TERT: variants seen among roughly 807,000 people sequenced by gnomAD.
TERT encodes telomerase catalytic subunit.
In TERT, 42 loss-of-function variants were observed where a neutral mutation model predicts 104.0. The observed-to-expected ratio is 0.40, with a 90% confidence interval of 0.32 to 0.52. The LOEUF (loss-of-function observed/expected upper bound fraction) is 0.52. TERT is among the 20% of genes least tolerant of loss of function. TERT has a pLI of 0.43. For missense variants in TERT, 1,101 were observed against 1,610.3 expected (o/e 0.68, Z 5.41); for synonymous variants, 781 against 725.6 (o/e 1.08, Z -1.23).
At position 1,253,585 on chromosome 5, in the gene TERT, G is replaced by A. The variant is rs147703938; in HGVS notation, c.*143C>T. On this transcript the variant is annotated 3_prime_UTR_variant, in exon 16 of 16. Transcript: ENST00000310581. The stretch of plus-strand genomic sequence containing the variant: ...ACTCAGCCTTCAGCCGGACATGCAG[G>A]CCTCGGCCAAACACTCACTCAGGCC... 5 of 710,790 alleles carry A rather than the reference G, an allele frequency of 7.0e-6. No homozygotes were observed. Among genetic ancestry groups the A allele is most frequent in the Admixed American group, 6.4e-5 (3 of 47,060 alleles). 44.0% of individuals were successfully genotyped at this position (710,790 alleles called of 1,614,324 possible).
rs7726159 is a variant in TERT, at chr5:1,282,204, C to A, written c.1769+225G>T. On this transcript the variant is annotated intron_variant, in intron 3 of 15. Coordinates refer to ENST00000310581, the MANE Select transcript of TERT (RefSeq NM_198253.3). ...CCTTCTGCTTTACAAACCCTAGAGA[C>A]CACTTGGCACAAACTCCTGATTTTA... Among the ~76,000 whole-genome samples, 45,027 of 152,134 alleles carry A rather than the reference C, an allele frequency of 0.3. 6,964 individuals carry two copies. Among genetic ancestry groups the A allele is most frequent in the Middle Eastern group, 0.47 (139 of 294 alleles).
intron 12 of TERT, among the ~76,000 whole-genome samples, chr5:1,259,546 T>C: frequency 9.5e-6 from 1 of 105,066 alleles, no homozygotes; most frequent in Non-Finnish European, 1.8e-5. Flanking sequence ...CAGACGCAGA[T>C]GCCCACAGGA....
At chr5:1,259,059 G>A (rs1219809886) in intron 12 of TERT, among the ~76,000 whole-genome samples, 3 of 150,302 alleles carry the variant, frequency 2.0e-5, no homozygotes, top group Non-Finnish European at 4.4e-5. Context: ...ACAGGAGAGA[G>A]GGAATGGAGT....
In TERT at chr5:1,268,019, T is replaced by C. The variant is rs1305582347; in HGVS notation, c.2582+501A>G. Among the ~76,000 whole-genome samples, 2 of 151,826 alleles carry C rather than the reference T, an allele frequency of 1.3e-5. No individual in the cohort carries two copies. Among genetic ancestry groups the C allele is most frequent in the Non-Finnish European group, 2.9e-5 (2 of 67,982 alleles). On this transcript the variant is annotated intron_variant, in intron 9 of 15. Transcript: ENST00000310581. The surrounding 1 kb of genome is among the most constrained non-coding windows in gnomAD (Gnocchi z 5.5). ...GTAACTGCTGTCAATAAAAGCCAGC[T>C]GAGTTGAACCACATTAGGTTGGCAC...
In TERT at chr5:1,256,435, C is replaced by T. The variant is rs1356925089; in HGVS notation, c.3033-1024G>A. Among the ~76,000 whole-genome samples the T allele has an allele frequency of 6.6e-6, 1 of 151,514 alleles. No homozygotes were observed. Among genetic ancestry groups the T allele is most frequent in the Non-Finnish European group, 1.5e-5 (1 of 67,924 alleles). ...CATATGTGCGTGTGATCAGAGCCCC[C>T]GTGTACCTGGTCTGACCCTCTGCCT... On this transcript the variant is annotated intron_variant, in intron 13 of 15. Coordinates refer to ENST00000310581, the MANE Select transcript of TERT (RefSeq NM_198253.3). The surrounding 1 kb of genome is among the most constrained non-coding windows in gnomAD (Gnocchi z 7.0).
At chr5:1,281,355 C>T (rs1352573302) in intron 3 of TERT, among the ~76,000 whole-genome samples, 1 of 152,114 alleles carries the variant, frequency 6.6e-6, no homozygotes, top group African/African-American at 2.4e-5. Context: ...GCTGCCAGCT[C>T]CCTCTGCAGA....
At chr5:1,280,129 A>T in intron 4 of TERT, 29 bp downstream of exon 4, 1 of 1,613,634 alleles carries the variant, frequency 6.2e-7, no homozygotes, top group Non-Finnish European at 8.5e-7. Context: ...CTTCTGTTTA[A>T]AAAGGAAGTT....
Position 1,287,508 on chromosome 5 carries a change from AATATAT to A in TERT, c.1574-4890_1574-4885del, listed in dbSNP as rs762204084. 0.011 allele frequency among the ~76,000 whole-genome samples: 1,613 copies of A among 140,714 alleles called. 12 individuals are homozygous for A. Among genetic ancestry groups the A allele is most frequent in the Middle Eastern group, 0.018 (5 of 272 alleles). 92.3% of individuals were successfully genotyped at this position (140,714 alleles called of 152,430 possible). On this transcript the variant is annotated intron_variant, in intron 2 of 15. Transcript: ENST00000310581. The surrounding 1 kb of genome is among the most constrained non-coding windows in gnomAD (Gnocchi z 4.3). ...CCAAGACTCTGTCTCAAAAAAAAAA[AATATAT>A]ATATATATATATAAATTAAAGGCAG...
At position 1,280,171 on chromosome 5, in the gene TERT, C is replaced by A. The variant is rs779338296; in HGVS notation, c.1937G>T (p.Arg646Leu). The change falls in exon 4 of 16, where the codon CGC (arginine) becomes CTC (leucine). Residue 646 changes from arginine (R) to leucine (L), a missense_variant. By Grantham distance (102) the Arg-to-Leu change is moderately radical. Coordinates refer to ENST00000310581, the MANE Select transcript of TERT (RefSeq NM_198253.3). ...MDYVVGARTF[R>L]REKRAERLTS... is the part of the protein sequence containing the mutation. ...AAGCACAGCCACCCTCTTTTCTCTG[C>A]GGAACGTTCTGGCTCCCACGACGTA... 3 of 1,614,122 alleles carry A rather than the reference C, an allele frequency of 1.9e-6. No homozygotes were observed. Among genetic ancestry groups the A allele is most frequent in the African/African-American group, 1.3e-5 (1 of 75,068 alleles).
intron 3 of TERT, 46 bp downstream of exon 3, chr5:1,282,383 G>A: frequency 6.3e-7 from 1 of 1,596,558 alleles, no homozygotes; most frequent in Non-Finnish European, 8.6e-7. Flanking sequence ...CCGGGCTGGT[G>A]TTCCAGGACT....
Position 1,294,648 on chromosome 5 carries a change from G to A in TERT, c.238C>T (p.Leu80=), listed in dbSNP as rs2126690855. 1 of 1,595,764 alleles carries A rather than the reference G, an allele frequency of 6.3e-7. No homozygotes were observed. The part of the protein sequence containing the change: ...SFRQVSCLKE[L]VARVLQRLCE... ...AGCCTCTGCAGCACTCGGGCCACCA[G>A]CTCCTTCAGGCAGGACACCTGCGGG... Residue 80 remains leucine (L), a synonymous_variant, in exon 2 of 16, where the codon CTG becomes TTG. Coordinates refer to ENST00000310581, the MANE Select transcript of TERT (RefSeq NM_198253.3).
Position 1,253,292 on chromosome 5 carries a change from G to A in TERT, c.*436C>T. 2 of 372,640 alleles carry A rather than the reference G, an allele frequency of 5.4e-6. No homozygotes were observed. Among genetic ancestry groups the A allele is most frequent in the Non-Finnish European group, 1.0e-5 (2 of 199,752 alleles). 23.1% of individuals were successfully genotyped at this position (372,640 alleles called of 1,614,324 possible). A position where few individuals can be genotyped will look rare whatever the true frequency, so the allele number is the denominator to read the frequency against. ...CGCCTGTGTACAGGGCACACCTTTG[G>A]TCACTCCAAATTCCCAGAGCTCCCA... is the stretch of plus-strand genomic sequence containing the variant. On this transcript the variant is annotated 3_prime_UTR_variant, in exon 16 of 16. Coordinates refer to ENST00000310581, the MANE Select transcript of TERT (RefSeq NM_198253.3).
rs201562158 is a variant in TERT at position 1,255,846 on chromosome 5, G to A, written c.3033-435C>T. ...ATGTCATCGTATATCAACGTCCTGC[G>A]CATCCCTTCTGAGCCACCCGCCCCT... On this transcript the variant is annotated intron_variant, in intron 13 of 15. Transcript: ENST00000310581. This position sits in a 1 kb window ranked among gnomAD's most constrained non-coding sequence, Gnocchi z 6.9. Among the ~76,000 whole-genome samples, 3 of 152,008 alleles carry A rather than the reference G, an allele frequency of 2.0e-5. No individual in the cohort carries two copies. Among genetic ancestry groups the A allele is most frequent in the Non-Finnish European group, 2.9e-5 (2 of 67,970 alleles).
chr5:1,269,230 C>T lies in TERT; in HGVS notation c.2469-597G>A, dbSNP rs1748847800. Among the ~76,000 whole-genome samples the T allele has an allele frequency of 6.6e-6, 1 of 152,176 alleles. No individual in the cohort carries two copies. Among genetic ancestry groups the T allele is most frequent in the Admixed American group, 6.5e-5 (1 of 15,276 alleles). On this transcript the variant is annotated intron_variant, in intron 8 of 15. Transcript: ENST00000310581. This position sits in a 1 kb window ranked among gnomAD's most constrained non-coding sequence, Gnocchi z 9.0. The stretch of plus-strand genomic sequence containing the variant: ...GCCATCCCCAGAGCCCACAGGACGC[C>T]ACTCCTGTTGCTAAGAGACGCTTGC...
At chr5:1,277,974 G>C (rs1020292456) in intron 6 of TERT, among the ~76,000 whole-genome samples, 3 of 151,054 alleles carry the variant, frequency 2.0e-5, no homozygotes, top group Non-Finnish European at 4.4e-5. Flanking sequence ...CAAGGCCCCC[G>C]GCCGCTCTGG....
At chr5:1,273,790 A>G (rs56081816) in intron 6 of TERT, among the ~76,000 whole-genome samples, 377 of 23,712 alleles carry the variant, frequency 0.016, 96 homozygotes, top group African/African-American at 0.061. Flanking sequence ...CCCTGTGACC[A>G]ACCGCCATCC....
chr5:1,260,557 C>T lies in TERT; in HGVS notation c.2887G>A (p.Gly963Ser), dbSNP rs201272197. Reference sequence around the variant, plus strand: ...CGCATGTTCCTCCCAGCCTTGAAGCCGCGGTTGAAGGTGAGACTGGCTCTG... The same window carrying T: ...CGCATGTTCCTCCCAGCCTTGAAGCTGCGGTTGAAGGTGAGACTGGCTCTG... ...SIRASLTFNR[G>S]FKAGRNMRRK... Residue 963 changes from glycine (G) to serine (S), a missense_variant, in exon 12 of 16, where the codon GGC becomes AGC. Gly to Ser is a moderately conservative substitution (Grantham distance 56, BLOSUM62 0). Transcript: ENST00000310581. The T allele has an allele frequency of 4.3e-6, 7 of 1,614,186 alleles. No homozygotes were observed. The highest frequency in any genetic ancestry group is 1.3e-5 in the African/African-American group (1 of 75,058).
Position 1,268,527 on chromosome 5 carries a change from G to A in TERT, c.2575C>T (p.Arg859Trp), listed in dbSNP as rs876658018. 6.2e-7 allele frequency: 1 copy of A among 1,613,280 alleles called. No homozygotes were observed. The highest frequency in any genetic ancestry group is 8.5e-7 in the Non-Finnish European group (1 of 1,179,834). Residue 859 changes from arginine (R) to tryptophan (W), a missense_variant, in exon 9 of 16, where the codon CGG becomes TGG. This residue lies in a region of TERT where 463 missense variants were observed against 797.5 expected (regional missense o/e 0.58). Coordinates refer to ENST00000310581, the MANE Select transcript of TERT (RefSeq NM_198253.3). The surrounding 1 kb of genome is among the most constrained non-coding windows in gnomAD (Gnocchi z 5.5). ...GGGAAGAGGAGGCCTCACCCGTCCC[G>A]CCGAATCCCCGCAAACAGCTTGTTC... ...MENKLFAGIR[R>W]DGLLLRLVDD...
rs904818431 is a variant in TERT, at chr5:1,279,229, G to A, written c.2130+62C>T. 6.6e-6 allele frequency: 10 copies of A among 1,520,916 alleles called. No homozygotes were observed. The African/African-American group carries it at 8.3e-5, about 13-fold the overall frequency. The allele number at this position is 1,520,916 out of a possible 1,614,324, so 94.2% of individuals were successfully genotyped here. ...GTACCTCCTCCACCCAACATGAGGT[G>A]CCAATCAGGCAGCCACTCCCAAGGT... On this transcript the variant is annotated intron_variant, in intron 5 of 15. Transcript: ENST00000310581.
Sources: allele counts gnomAD v4.1 joint callset (sites outside exome capture counted in the v4.1 genomes callset), GRCh38; gene constraint gnomAD v4.1.1; regional missense constraint gnomAD v4.1.1; non-coding constraint Gnocchi (gnomAD v3.1); transcripts MANE v1.5; gene names NCBI Gene and HGNC (gene_info 2026-07-23, HGNC 2026-07-21).